STRN3: variants seen among roughly 807,000 people sequenced by gnomAD.
STRN3 encodes the protein striatin 3.
Under a neutral mutation model 95.6 loss-of-function variants are expected in STRN3, and 29 were observed. That is an observed-to-expected ratio of 0.30 (90% CI 0.23 to 0.41). The LOEUF (loss-of-function observed/expected upper bound fraction) is 0.41. Among genes scored for constraint, STRN3 ranks in the 10% least tolerant of loss-of-function variants. The pLI is 1.00. For synonymous variants in STRN3, 331 were observed against 357.6 expected, an observed-to-expected ratio of 0.93 and a Z score of 0.84; for missense variants, 890 against 972.1, an observed-to-expected ratio of 0.92 and a Z score of 1.12.
chr14:31,014,655 G>A, intron 1 of STRN3: 2 of 454,476 alleles, frequency 4.4e-6, no homozygotes, highest in Non-Finnish European at 9.0e-6. Flanking sequence ...CCACTTAGGT[G>A]TAATGCTATC....
At chr14:30,976,054 A>T (rs992694740) in intron 1 of STRN3, among the ~76,000 whole-genome samples, 1 of 152,208 alleles carries the variant, frequency 6.6e-6, no homozygotes, top group African/African-American at 2.4e-5. Context: ...CCAACATGGT[A>T]CTAACCCAAC....
chr14:30,921,105 C>CA (rs1555316370), intron 8 of STRN3, among the ~76,000 whole-genome samples: 3 of 151,318 alleles, frequency 2.0e-5, no homozygotes, highest in Admixed American at 1.3e-4. Flanking sequence ...CACACACACA[C>CA]ACTTCCTTAT....
In STRN3 at chr14:30,929,375, A is replaced by G. The variant is rs1878365412; in HGVS notation, c.989-64T>C. ...GTTGGCAATGCAAGCTGTTGGCAGT[A>G]AACTGTTATAGCTTTACATAATCAT... On this transcript the variant is annotated intron_variant, in intron 7 of 17. Coordinates refer to ENST00000357479, the MANE Select transcript of STRN3 (RefSeq NM_001083893.2). 5 of 1,206,072 alleles carry G rather than the reference A, an allele frequency of 4.1e-6. No homozygotes were observed. In the Admixed American group the frequency reaches 5.3e-5, roughly 13 times the overall value. The allele number at this position is 1,206,072 out of a possible 1,614,324, so 74.7% of individuals were successfully genotyped here. A position where few individuals can be genotyped will look rare whatever the true frequency, so the allele number is the denominator to read the frequency against.
At position 30,902,614 on chromosome 14, in the gene STRN3, C is replaced by T. The variant is rs1266299841; in HGVS notation, c.2059G>A (p.Val687Ile). 5 of 1,604,670 alleles carry T rather than the reference C, an allele frequency of 3.1e-6. No individual in the cohort carries two copies. The South Asian group carries it at 3.4e-5, about 11-fold the overall frequency. The stretch of plus-strand genomic sequence containing the variant: ...ACAGGAAGTGTGGGATGACTTACTA[C>T]TCTGTTGATATGATTATTAGATTGT... Reference protein sequence around the residue: ...GLQSNNHINRVVSHPTLPVTI... With the variant: ...GLQSNNHINRIVSHPTLPVTI... The change falls in exon 16 of 18, where the codon GTA (valine) becomes ATA (isoleucine). Residue 687 changes from valine to isoleucine, a missense_variant. Val to Ile is a conservative substitution (Grantham distance 29, BLOSUM62 3). This residue lies in a region of STRN3 where 357 missense variants were observed against 422.8 expected (regional missense o/e 0.84). Coordinates refer to ENST00000357479, the MANE Select transcript of STRN3 (RefSeq NM_001083893.2).
intron 5 of STRN3, among the ~76,000 whole-genome samples, chr14:30,945,383 C>T (rs1879311624): frequency 9.2e-6 from 1 of 108,828 alleles, no homozygotes; most frequent in South Asian, 4.5e-4. Context: ...TTTGGAAGGC[C>T]AATGAGGGCG....
At chr14:30,897,637 TGAAGACAAAA>T (rs1342741498) in intron 16 of STRN3, among the ~76,000 whole-genome samples, 1 of 152,110 alleles carries the variant, frequency 6.6e-6, no homozygotes, top group Non-Finnish European at 1.5e-5. Flanking sequence ...ACTTATCAGT[TGAAGACAAAA>T]TTTAAAAAAA....
At chr14:30,933,925 G>A (rs1878683830) in intron 7 of STRN3, among the ~76,000 whole-genome samples, 1 of 152,098 alleles carries the variant, frequency 6.6e-6, no homozygotes, top group Admixed American at 6.5e-5. Context: ...ACACATAAAT[G>A]AGGCATCTTT....
intron 1 of STRN3, among the ~76,000 whole-genome samples, chr14:30,961,363 T>C (rs1880197148): frequency 6.6e-6 from 1 of 152,196 alleles, no homozygotes. Context: ...ATGTGCCACA[T>C]GACATTTCAG....
intron 1 of STRN3, among the ~76,000 whole-genome samples, chr14:31,010,812 G>A (rs144783888): frequency 2.0e-5 from 3 of 152,330 alleles, no homozygotes; most frequent in South Asian, 2.1e-4. Context: ...GCCAAGGCGG[G>A]TAGATCACCT....
chr14:30,969,844 G>A (rs1880734443), intron 1 of STRN3, among the ~76,000 whole-genome samples: 1 of 152,002 alleles, frequency 6.6e-6, no homozygotes, highest in African/African-American at 2.4e-5. Flanking sequence ...ACCAGCACCA[G>A]CCTGAAGATC....
intron 5 of STRN3, among the ~76,000 whole-genome samples, chr14:30,941,627 A>AG (rs745614151): frequency 1.1e-4 from 17 of 150,076 alleles, no homozygotes; most frequent in Admixed American, 1.4e-4. Context: ...TGCTTCTTAA[A>AG]CTTTTTTTTT....
chr14:30,933,299 A>AAAAAC (rs1878644854), intron 7 of STRN3, among the ~76,000 whole-genome samples: 1 of 150,550 alleles, frequency 6.6e-6, no homozygotes, highest in African/African-American at 2.4e-5. Context: ...AAAAAAAAAA[A>AAAAAC]AAAAAACGAT....
chr14:30,945,317 A>G (rs1879307566), intron 5 of STRN3, among the ~76,000 whole-genome samples: 2 of 152,180 alleles, frequency 1.3e-5, no homozygotes, highest in Admixed American at 6.5e-5. Context: ...CATCACCTAT[A>G]TAAGAAACAC....
chr14:30,922,328 A>G (rs558991493), intron 8 of STRN3, among the ~76,000 whole-genome samples: 1 of 152,302 alleles, frequency 6.6e-6, no homozygotes, highest in East Asian at 1.9e-4. Context: ...ATGCCCAGCT[A>G]GAAAAACTTT....
intron 1 of STRN3, among the ~76,000 whole-genome samples, chr14:31,023,707 A>G (rs1441661240): frequency 6.6e-6 from 1 of 152,110 alleles, no homozygotes; most frequent in Non-Finnish European, 1.5e-5. Context: ...CCTCCCACAA[A>G]TATGTATTCA....
intron 15 of STRN3, among the ~76,000 whole-genome samples, chr14:30,902,977 T>A (rs1401334597): frequency 6.6e-6 from 1 of 152,114 alleles, no homozygotes; most frequent in East Asian, 1.9e-4. Flanking sequence ...TATAAGCATT[T>A]AAAGAAGGAA....
intron 1 of STRN3, among the ~76,000 whole-genome samples, chr14:31,006,677 A>G (rs1882732848): frequency 6.6e-6 from 1 of 152,064 alleles, no homozygotes; most frequent in African/African-American, 2.4e-5. Context: ...CCTGGGCAAC[A>G]AGAGTGAAAC....
At chr14:30,993,543 TC>T (rs1361855909) in intron 1 of STRN3, among the ~76,000 whole-genome samples, 1 of 152,210 alleles carries the variant, frequency 6.6e-6, no homozygotes, top group Non-Finnish European at 1.5e-5. Flanking sequence ...TGTCAGAACT[TC>T]CTTGTAGTAG....
chr14:30,968,291 A>G (rs1394267599), intron 1 of STRN3, among the ~76,000 whole-genome samples: 1 of 151,804 alleles, frequency 6.6e-6, no homozygotes, highest in East Asian at 1.9e-4. Flanking sequence ...ATCTTCAAAA[A>G]AAAAAAAAAG....
Sources: gnomAD v4.1 joint callset for allele counts (sites outside exome capture counted in the v4.1 genomes callset) on GRCh38, gnomAD v4.1.1 for gene constraint, gnomAD v4.1.1 regional missense constraint, MANE v1.5 for transcripts, NCBI Gene and HGNC (gene_info 2026-07-23, HGNC 2026-07-21) for gene names.